NAV2: variants seen among roughly 807,000 people sequenced by gnomAD.
The protein encoded by NAV2 is neuron navigator 2.
In NAV2, 54 loss-of-function variants were observed where a neutral mutation model predicts 223.2. The ratio of observed to expected loss-of-function variants is 0.24; its 90% CI spans 0.19 to 0.30. The LOEUF (loss-of-function observed/expected upper bound fraction) is 0.30. Among genes scored for constraint, NAV2 ranks in the 10% least tolerant of loss-of-function variants. The pLI is 1.00. For missense variants in NAV2, 2,806 were observed against 3,147.5 expected (o/e 0.89, Z 2.60); for synonymous variants, 1,279 against 1,239.3 (o/e 1.03, Z -0.67).
intron 1 of NAV2, among the ~76,000 whole-genome samples, chr11:19,401,242 A>G (rs1849672578): frequency 6.6e-6 from 1 of 152,248 alleles, no homozygotes; most frequent in Non-Finnish European, 1.5e-5. Context: ...GACTTAAGAC[A>G]AAAGCATTGA....
intron 11 of NAV2, among the ~76,000 whole-genome samples, chr11:20,008,306 C>A (rs548317339): frequency 6.6e-6 from 1 of 151,958 alleles, no homozygotes. Flanking sequence ...TGCAATGAGC[C>A]GAGATCGCAC....
At chr11:19,832,281 C>G (rs1047481973) in intron 1 of NAV2, among the ~76,000 whole-genome samples, 1 of 152,178 alleles carries the variant, frequency 6.6e-6, no homozygotes, top group Non-Finnish European at 1.5e-5. Flanking sequence ...TGAATCTTGA[C>G]GGCAGTCCTC....
intron 1 of NAV2, among the ~76,000 whole-genome samples, chr11:19,670,030 C>G (rs2135797246): frequency 6.6e-6 from 1 of 152,346 alleles, no homozygotes; most frequent in Non-Finnish European, 1.5e-5. Context: ...CAGCTCCTGC[C>G]TTCACTAACT....
At chr11:19,931,748 T>C (rs2045366916) in intron 6 of NAV2, 1 of 152,174 alleles carries the variant, frequency 6.6e-6, no homozygotes, top group Non-Finnish European at 1.5e-5. Flanking sequence ...GGTTGGAGGA[T>C]TTTTCCTAGG....
intron 1 of NAV2, among the ~76,000 whole-genome samples, chr11:19,769,250 C>T (rs745440772): frequency 8.5e-5 from 13 of 152,204 alleles, no homozygotes; most frequent in African/African-American, 2.7e-4. Context: ...GGAGGACCTC[C>T]GTACTGGTTC....
At chr11:19,553,327 A>G (rs2044750163) in intron 1 of NAV2, among the ~76,000 whole-genome samples, 1 of 152,184 alleles carries the variant, frequency 6.6e-6, no homozygotes, top group South Asian at 2.1e-4. Context: ...CATCGTCTTG[A>G]GCAGGGCTCT....
intron 10 of NAV2, among the ~76,000 whole-genome samples, chr11:19,967,555 G>A (rs961329926): frequency 2.0e-5 from 3 of 152,192 alleles, no homozygotes; most frequent in African/African-American, 4.8e-5. Context: ...GTGGAAGTTA[G>A]ACAGGTTTTT....
At chr11:19,823,129 C>T (rs946604247) in intron 1 of NAV2, among the ~76,000 whole-genome samples, 4 of 152,182 alleles carry the variant, frequency 2.6e-5, no homozygotes, top group African/African-American at 9.7e-5. Flanking sequence ...ACTGTAGCCT[C>T]GACCTCCTGG....
intron 11 of NAV2, among the ~76,000 whole-genome samples, chr11:20,029,314 G>C (rs2055450861): frequency 6.6e-6 from 1 of 152,226 alleles, no homozygotes; most frequent in South Asian, 2.1e-4. Context: ...CTGGAGCAAA[G>C]GCCTGGCTCT....
At chr11:19,935,573 C>T (rs182777640) in intron 7 of NAV2, among the ~76,000 whole-genome samples, 2 of 152,246 alleles carry the variant, frequency 1.3e-5, no homozygotes, top group Middle Eastern at 3.4e-3. Context: ...GTCTCTGTTA[C>T]AGTTCCTGCC....
In NAV2 at chr11:19,629,542, G is replaced by GACACACACACAC. The variant is rs10604730; in HGVS notation, c.76-202916_76-202905dup. ...TCTTTCTTTTTTTCTCTCTCTCTCT[G>GACACACACACAC]ACACACACACACACACACACACACA... On this transcript the variant is annotated intron_variant, in intron 1 of 37. Coordinates refer to the NAV2 transcript ENST00000360655. 8.8e-4 allele frequency among the ~76,000 whole-genome samples: 118 copies of GACACACACACAC among 134,824 alleles called. 1 individual carries two copies. The highest frequency in any genetic ancestry group is 2.9e-3 in the African/African-American group (110 of 37,350). 88.4% of individuals were successfully genotyped at this position (134,824 alleles called of 152,430 possible).
At chr11:19,978,014 G>A (rs1422295761) in intron 10 of NAV2, among the ~76,000 whole-genome samples, 3 of 150,222 alleles carry the variant, frequency 2.0e-5, no homozygotes, top group East Asian at 1.9e-4. Context: ...TAGTAGAAAC[G>A]GGGTTTCACT....
chr11:19,618,298 A>T (rs977765788), intron 1 of NAV2, among the ~76,000 whole-genome samples: 4 of 150,674 alleles, frequency 2.7e-5, no homozygotes, highest in African/African-American at 9.8e-5. Flanking sequence ...TGCTGGCTGG[A>T]TGGATTGCTG....
chr11:19,988,027 G>A (rs932341318), intron 11 of NAV2, among the ~76,000 whole-genome samples: 6 of 152,138 alleles, frequency 3.9e-5, no homozygotes, highest in African/African-American at 7.2e-5. Flanking sequence ...TTGAACTCCT[G>A]CCAGTTCCTA....
intron 11 of NAV2, chr11:20,027,460 T>C: frequency 1.0e-6 from 1 of 985,398 alleles, no homozygotes; most frequent in Non-Finnish European, 1.2e-6. Flanking sequence ...AACTGGAAAA[T>C]TGAGCAGGTA....
intron 1 of NAV2, among the ~76,000 whole-genome samples, chr11:19,469,584 G>A (rs2041898020): frequency 6.6e-6 from 1 of 152,102 alleles, no homozygotes; most frequent in African/African-American, 2.4e-5. Context: ...ATTCCACTGT[G>A]GTCTCTCACC....
intron 22 of NAV2, among the ~76,000 whole-genome samples, chr11:20,073,726 GC>G (rs1268226022): frequency 6.6e-6 from 1 of 151,934 alleles, no homozygotes; most frequent in Non-Finnish European, 1.5e-5. Flanking sequence ...CTTACGTAGA[GC>G]TGTTTATAGT....
At chr11:19,584,855 G>T (rs2045842301) in intron 1 of NAV2, among the ~76,000 whole-genome samples, 1 of 152,244 alleles carries the variant, frequency 6.6e-6, no homozygotes, top group African/African-American at 2.4e-5. Flanking sequence ...TGTATATTCT[G>T]TTGATTTGGG....
At chr11:20,029,145 TG>T (rs2055427435) in intron 11 of NAV2, among the ~76,000 whole-genome samples, 1 of 152,248 alleles carries the variant, frequency 6.6e-6, no homozygotes, top group Admixed American at 6.5e-5. Context: ...CACTTGCCTT[TG>T]TACCAACTTT....
Sources: gnomAD v4.1 joint callset for allele counts (sites outside exome capture counted in the v4.1 genomes callset) on GRCh38, gnomAD v4.1.1 for gene constraint, MANE v1.5 for transcripts, NCBI Gene and HGNC (gene_info 2026-07-23, HGNC 2026-07-21) for gene names.